INPP5F: variants seen among roughly 807,000 people sequenced by gnomAD.
INPP5F encodes phosphatidylinositide 4-phosphatase SAC2.
INPP5F carries 97 observed loss-of-function variants against 137.2 expected under a neutral mutation model. The ratio of observed to expected loss-of-function variants is 0.71; its 90% CI spans 0.60 to 0.84. INPP5F has a LOEUF of 0.84. Ranked by LOEUF, INPP5F falls within the 40% of genes least tolerant of loss-of-function variation. INPP5F has a pLI of 0.00. For missense variants in INPP5F, 1,271 were observed against 1,371.9 expected (o/e 0.93, Z 1.16); for synonymous variants, 504 against 476.9 (o/e 1.06, Z -0.74).
chr10:119,768,919 C>G (rs903280881), intron 2 of INPP5F, among the ~76,000 whole-genome samples: 5 of 152,108 alleles, frequency 3.3e-5, no homozygotes, highest in Middle Eastern at 3.2e-3. Context: ...ATTTTAAGTT[C>G]TCAAGTAAAA....
At chr10:119,747,411 G>C (rs1346478974) in intron 1 of INPP5F, among the ~76,000 whole-genome samples, 5 of 152,034 alleles carry the variant, frequency 3.3e-5, no homozygotes, top group Admixed American at 2.6e-4. Context: ...TTTTAGTAGA[G>C]ATGGGGTTTT....
chr10:119,771,864 A>ATATG (rs1849352580), intron 2 of INPP5F, among the ~76,000 whole-genome samples: 1 of 13,126 alleles, frequency 7.6e-5, no homozygotes, highest in African/African-American at 1.9e-4. Flanking sequence ...ATATATATAT[A>ATATG]TATATATATA....
At chr10:119,744,335 A>G (rs1307441147) in intron 1 of INPP5F, among the ~76,000 whole-genome samples, 2 of 152,200 alleles carry the variant, frequency 1.3e-5, no homozygotes, top group Non-Finnish European at 2.9e-5. Context: ...CCTTGCTAAA[A>G]CAAAGACGAC....
intron 2 of INPP5F, among the ~76,000 whole-genome samples, chr10:119,768,079 C>T (rs990728090): frequency 2.0e-5 from 3 of 152,166 alleles, no homozygotes; most frequent in Non-Finnish European, 2.9e-5. Context: ...TCTGATGTAT[C>T]CAGTGCAAAT....
intron 8 of INPP5F, 130 bp from the exon 9 acceptor site, chr10:119,798,413 A>G: frequency 1.7e-6 from 1 of 599,860 alleles, no homozygotes; most frequent in Non-Finnish European, 2.9e-6. Flanking sequence ...TTTTTAAATG[A>G]TGGTTTTAGA....
At chr10:119,823,957 G>C in intron 19 of INPP5F, 55 bp downstream of exon 19, 3 of 1,356,266 alleles carry the variant, frequency 2.2e-6, no homozygotes, top group Non-Finnish European at 3.1e-6. Context: ...GGTCTTATTT[G>C]TTTAAAATTA....
rs1320980322 is a variant in INPP5F, at chr10:119,748,868, C to T, written c.98-2208C>T. ...AAGGTGGGGTTTTACCTGTGATCTGCCCCTTTCTGGACAGGAACCTGTGTC... is the reference window on the plus strand; with the variant it reads ...AAGGTGGGGTTTTACCTGTGATCTGTCCCTTTCTGGACAGGAACCTGTGTC... On this transcript the variant is annotated intron_variant, in intron 1 of 19. Transcript: ENST00000650623. The surrounding 1 kb of genome is among the most constrained non-coding windows in gnomAD (Gnocchi z 4.7). Among the ~76,000 whole-genome samples, 1 of 152,166 alleles carries T rather than the reference C, an allele frequency of 6.6e-6. No homozygotes were observed. The highest frequency in any genetic ancestry group is 6.5e-5 in the Admixed American group (1 of 15,274).
chr10:119,792,324 T>C, intron 6 of INPP5F, 111 bp downstream of exon 6: 1 of 764,314 alleles, frequency 1.3e-6, no homozygotes, highest in Non-Finnish European at 2.1e-6. Flanking sequence ...TTAAGATACA[T>C]TTTTAAAGAT....
intron 9 of INPP5F, chr10:119,799,375 G>A: frequency 5.2e-6 from 2 of 386,360 alleles, no homozygotes; most frequent in African/African-American, 2.2e-5. Context: ...GTATATGGAG[G>A]AAAAAAAAGA....
intron 3 of INPP5F, among the ~76,000 whole-genome samples, chr10:119,789,855 A>G (rs1218047197): frequency 6.6e-6 from 1 of 151,846 alleles, no homozygotes; most frequent in Admixed American, 6.6e-5. Context: ...GAGGCTGGAA[A>G]GGAACTGCTC....
chr10:119,804,420 AAGGGT>A (rs1564841890), intron 10 of INPP5F, 123 bp downstream of exon 10: 1 of 834,374 alleles, frequency 1.2e-6, no homozygotes, highest in Non-Finnish European at 1.8e-6. Flanking sequence ...TGGAAAGAAA[AAGGGT>A]ATCATTCATT....
chr10:119,816,164 G>A (rs1851268064), intron 15 of INPP5F: 1 of 152,310 alleles, frequency 6.6e-6, no homozygotes, highest in African/African-American at 2.4e-5. Context: ...CTTTTGGAGA[G>A]CCAGGTGGTT....
rs1470754955 is a variant in INPP5F, at chr10:119,726,069, C to CGCT, written c.-191_-189dup. 4 of 369,766 alleles carry CGCT rather than the reference C, an allele frequency of 1.1e-5. No homozygotes were observed. Among genetic ancestry groups the CGCT allele is most frequent in the Middle Eastern group, 7.3e-4 (1 of 1,362 alleles). 22.9% of individuals were successfully genotyped at this position (369,766 alleles called of 1,614,324 possible). On this transcript the variant is annotated 5_prime_UTR_variant, in exon 1 of 20. Coordinates refer to ENST00000650623, the MANE Select transcript of INPP5F (RefSeq NM_014937.4). ...GGGGGGGAGAGGCCTCTACGGCCGC[C>CGCT]GCTGCCGCCGCCGCTGCCGGGGCGC...
chr10:119,805,578 C>T (rs1850748243), intron 11 of INPP5F, 117 bp downstream of exon 11: 1 of 710,980 alleles, frequency 1.4e-6, no homozygotes. Flanking sequence ...CGTTTTGCTT[C>T]CCAGTTCCTA....
chr10:119,797,988 A>G (rs1052685470), intron 8 of INPP5F, among the ~76,000 whole-genome samples: 1 of 152,156 alleles, frequency 6.6e-6, no homozygotes, highest in Admixed American at 6.5e-5. Context: ...GATGGAATCT[A>G]CCAAAAATCA....
At chr10:119,821,576 G>C (rs935177357) in intron 16 of INPP5F, among the ~76,000 whole-genome samples, 4 of 152,030 alleles carry the variant, frequency 2.6e-5, no homozygotes, top group Non-Finnish European at 4.4e-5. Flanking sequence ...TTGTTTTTTA[G>C]TCATTTGCCC....
intron 2 of INPP5F, among the ~76,000 whole-genome samples, chr10:119,772,400 C>CT (rs1589698586): frequency 1.3e-5 from 2 of 152,146 alleles, no homozygotes; most frequent in East Asian, 3.9e-4. Context: ...TTACCTTTTT[C>CT]TTGTTGATTG....
chr10:119,791,560 T>G lies in INPP5F; in HGVS notation c.359T>G (p.Ile120Ser). ...TTTGGTATTAACAAACCAGAGAAGA[T>G]CATACCATCTCCTGATGACTCAAAG... Reference protein sequence around the residue: ...HHFGINKPEKIIPSPDDSKFL... With the variant: ...HHFGINKPEKSIPSPDDSKFL... Residue 120 changes from isoleucine (I) to serine (S), a missense_variant, in exon 4 of 20, where the codon ATC becomes AGC. Transcript: ENST00000650623. The G allele has an allele frequency of 6.2e-7, 1 of 1,602,380 alleles. No homozygotes were observed. The highest frequency in any genetic ancestry group is 8.5e-7 in the Non-Finnish European group (1 of 1,170,262).
intron 13 of INPP5F, among the ~76,000 whole-genome samples, chr10:119,809,575 TTTAAG>T (rs1384267090): frequency 2.0e-5 from 3 of 152,128 alleles, no homozygotes; most frequent in African/African-American, 7.2e-5. Context: ...AACAAAACAG[TTTAAG>T]TTGTCACTGG....
Sources: allele counts gnomAD v4.1 joint callset (sites outside exome capture counted in the v4.1 genomes callset), GRCh38; gene constraint gnomAD v4.1.1; non-coding constraint Gnocchi (gnomAD v3.1); transcripts MANE v1.5; gene names NCBI Gene and HGNC (gene_info 2026-07-23, HGNC 2026-07-21).